SVIL: variants seen among roughly 807,000 people sequenced by gnomAD.
SVIL encodes the protein supervillin, also known as archvillin.
In SVIL, 101 loss-of-function variants were observed where a neutral mutation model predicts 240.4. The observed-to-expected ratio is 0.42, with a 90% confidence interval of 0.36 to 0.50. The LOEUF is 0.50. Ranked by LOEUF, SVIL falls within the 20% of genes least tolerant of loss-of-function variation. The pLI is 0.01. For missense variants in SVIL, 2,512 were observed against 2,818.7 expected (o/e 0.89, Z 2.46); for synonymous variants, 999 against 1,100.0 (o/e 0.91, Z 1.82).
intron 16 of SVIL, among the ~76,000 whole-genome samples, chr10:29,518,923 C>T (rs746635595): frequency 2.0e-5 from 3 of 152,180 alleles, no homozygotes; most frequent in Non-Finnish European, 2.9e-5. Context: ...CAGTCTGTGA[C>T]GCTGGGTAGC....
chr10:29,532,466 G>A (rs990739129), intron 8 of SVIL, 63 bp downstream of exon 8: 6 of 1,547,358 alleles, frequency 3.9e-6, no homozygotes, highest in South Asian at 3.8e-5. Flanking sequence ...AGGTCGAGGA[G>A]TGAATCATTC....
intron 2 of SVIL, chr10:29,658,209 C>G (rs1383335218): frequency 1.3e-5 from 2 of 152,178 alleles, no homozygotes; most frequent in African/African-American, 4.8e-5. Flanking sequence ...CTTTCAAATA[C>G]TCATCAACAT....
chr10:29,692,112 C>A (rs1028840245), intron 1 of SVIL, among the ~76,000 whole-genome samples: 1 of 152,168 alleles, frequency 6.6e-6, no homozygotes, highest in Admixed American at 6.5e-5. Flanking sequence ...ATGCCAGAAA[C>A]CTTCGTCAAA....
chr10:29,593,382 A>G (rs559032022), intron 1 of SVIL, among the ~76,000 whole-genome samples: 2 of 152,194 alleles, frequency 1.3e-5, no homozygotes, highest in African/African-American at 4.8e-5. Flanking sequence ...AAGATCCCCA[A>G]ATATTTCAAC....
chr10:29,464,405 C>T (rs1034857128), intron 34 of SVIL, among the ~76,000 whole-genome samples: 1 of 152,208 alleles, frequency 6.6e-6, no homozygotes, highest in African/African-American at 2.4e-5. Context: ...CGCCACTGCA[C>T]TCCAGCCTGG....
chr10:29,589,577 G>A (rs1257758656), intron 1 of SVIL, among the ~76,000 whole-genome samples: 2 of 151,992 alleles, frequency 1.3e-5, no homozygotes, highest in African/African-American at 4.8e-5. Flanking sequence ...TCAGCTGCCG[G>A]CTTTGGGGGC....
intron 2 of SVIL, among the ~76,000 whole-genome samples, chr10:29,568,375 T>C (rs1318241914): frequency 6.6e-6 from 1 of 151,870 alleles, no homozygotes; most frequent in Admixed American, 6.6e-5. Context: ...TATCCTAATG[T>C]TGTTGAAATG....
chr10:29,523,584 G>T lies in SVIL; in HGVS notation c.3030C>A (p.His1010Gln), dbSNP rs1329034818. 1.9e-6 allele frequency: 3 copies of T among 1,614,188 alleles called. No individual in the cohort carries two copies. Among genetic ancestry groups the T allele is most frequent in the Admixed American group, 3.3e-5 (2 of 60,016 alleles). ...SLERANPPIT[H>Q]LGDEPKEFSM... Reference sequence around the variant, plus strand: ...AAAATTCCTTCGGTTCATCCCCGAGGTGGGTGATGGGAGGGTTCGCCCGTT... The same window carrying T: ...AAAATTCCTTCGGTTCATCCCCGAGTTGGGTGATGGGAGGGTTCGCCCGTT... Residue 1010 changes from histidine to glutamine, a missense_variant, in exon 15 of 38, where the codon CAC (histidine) becomes CAA (glutamine). This residue lies in a region of SVIL where 1,443 missense variants were observed against 1,486.6 expected (regional missense o/e 0.97). Transcript: ENST00000355867.
intron 1 of SVIL, among the ~76,000 whole-genome samples, chr10:29,724,997 C>T (rs1964207203): frequency 7.1e-6 from 1 of 140,718 alleles, no homozygotes; most frequent in Non-Finnish European, 1.5e-5. Context: ...TCACTGCACT[C>T]CAGCCTGGGC....
intron 2 of SVIL, among the ~76,000 whole-genome samples, chr10:29,564,539 T>A (rs1168861444): frequency 6.6e-6 from 1 of 152,088 alleles, no homozygotes; most frequent in African/African-American, 2.4e-5. Flanking sequence ...TTCCCCCTGT[T>A]CGGGTGCATT....
At chr10:29,503,062 A>G (rs1444070837) in intron 17 of SVIL, among the ~76,000 whole-genome samples, 3 of 152,214 alleles carry the variant, frequency 2.0e-5, no homozygotes, top group Non-Finnish European at 4.4e-5. Context: ...ATGTAGTTAA[A>G]CTGTAAAGGA....
intron 29 of SVIL, among the ~76,000 whole-genome samples, chr10:29,474,594 CAAATAAATAAAT>C (rs59193522): frequency 0.12 from 17,161 of 140,128 alleles, 1,204 homozygotes; most frequent in East Asian, 0.23. Context: ...GACTCTCTTA[CAAATAAATAAAT>C]AAATAAATAA....
intron 1 of SVIL, among the ~76,000 whole-genome samples, chr10:29,606,834 A>T (rs1317800434): frequency 6.6e-6 from 1 of 152,040 alleles, no homozygotes; most frequent in Non-Finnish European, 1.5e-5. Flanking sequence ...AGCTCATGGC[A>T]ACCTCTGCCT....
intron 1 of SVIL, among the ~76,000 whole-genome samples, chr10:29,618,287 T>C (rs1486521960): frequency 6.6e-6 from 1 of 152,248 alleles, no homozygotes; most frequent in Non-Finnish European, 1.5e-5. Flanking sequence ...ATTTATTGTA[T>C]TGTTTGTCAA....
intron 1 of SVIL, among the ~76,000 whole-genome samples, chr10:29,695,562 A>G (rs1054183204): frequency 5.3e-5 from 8 of 152,006 alleles, no homozygotes; most frequent in South Asian, 4.1e-4. Flanking sequence ...CCTGACCAAC[A>G]TGGTGAAACC....
chr10:29,679,656 A>C (rs935168794), intron 2 of SVIL, among the ~76,000 whole-genome samples: 2 of 149,470 alleles, frequency 1.3e-5, no homozygotes, highest in African/African-American at 4.9e-5. Flanking sequence ...CCCAAGCTCT[A>C]GAGATTCTCC....
intron 2 of SVIL, among the ~76,000 whole-genome samples, chr10:29,670,573 T>G (rs1473949344): frequency 6.6e-6 from 1 of 152,260 alleles, no homozygotes; most frequent in Non-Finnish European, 1.5e-5. Flanking sequence ...AAACATCGTT[T>G]GTTTGACATA....
At chr10:29,660,283 C>G (rs571896547) in intron 2 of SVIL, among the ~76,000 whole-genome samples, 2 of 151,760 alleles carry the variant, frequency 1.3e-5, no homozygotes, top group East Asian at 3.9e-4. Flanking sequence ...CGCTCCAGCT[C>G]GGGCAACAAA....
intron 1 of SVIL, among the ~76,000 whole-genome samples, chr10:29,724,376 C>CACAA (rs1404590064): frequency 6.6e-6 from 1 of 150,642 alleles, no homozygotes; most frequent in African/African-American, 2.4e-5. Flanking sequence ...TTAAAACACA[C>CACAA]ACACACACAC....
Sources: gnomAD v4.1 joint callset for allele counts (sites outside exome capture counted in the v4.1 genomes callset) on GRCh38, gnomAD v4.1.1 for gene constraint, gnomAD v4.1.1 regional missense constraint, MANE v1.5 for transcripts, NCBI Gene and HGNC (gene_info 2026-07-23, HGNC 2026-07-21) for gene names.